ATP10A: variants seen among roughly 807,000 people sequenced by gnomAD.
The protein encoded by ATP10A is ATPase phospholipid transporting 10A (putative).
In ATP10A, 111 loss-of-function variants were observed where a neutral mutation model predicts 147.8. The observed-to-expected ratio is 0.75, with a 90% CI of 0.64 to 0.88. The LOEUF is 0.88. Among genes scored for constraint, ATP10A ranks in the 40% least tolerant of loss-of-function variants. The probability of loss-of-function intolerance (pLI) is 0.00; values close to 1 mark genes in which losing one functional copy is unlikely to be tolerated. For missense variants in ATP10A, 1,927 were observed against 1,959.0 expected (o/e 0.98, Z 0.31); for synonymous variants, 875 against 841.6 (o/e 1.04, Z -0.69).
intron 10 of ATP10A, chr15:25,710,943 C>T (rs976092332): frequency 1.3e-5 from 2 of 152,322 alleles, no homozygotes; most frequent in Admixed American, 6.5e-5. Context: ...TAACAGCAGG[C>T]ACTGAGCTAG....
intron 12 of ATP10A, among the ~76,000 whole-genome samples, chr15:25,706,339 G>A (rs1453642752): frequency 6.6e-6 from 1 of 152,186 alleles, no homozygotes; most frequent in Non-Finnish European, 1.5e-5. Flanking sequence ...CCAACCAGGA[G>A]ACTCACCACA....
intron 6 of ATP10A, 68 bp from the exon 7 acceptor site, chr15:25,721,977 T>A: frequency 6.7e-7 from 1 of 1,496,422 alleles, no homozygotes; most frequent in Non-Finnish European, 9.1e-7. Flanking sequence ...TACTCAAATC[T>A]ATTTAAATAA....
chr15:25,773,823 C>T (rs1157851187), intron 2 of ATP10A, among the ~76,000 whole-genome samples: 2 of 21,090 alleles, frequency 9.5e-5, no homozygotes, highest in African/African-American at 3.2e-4. Flanking sequence ...AACATCCACA[C>T]ACACACACAC....
intron 1 of ATP10A, among the ~76,000 whole-genome samples, chr15:25,853,133 G>A (rs1342831431): frequency 6.6e-6 from 1 of 152,236 alleles, no homozygotes; most frequent in East Asian, 1.9e-4. Context: ...CACAAGGTAT[G>A]TGCAGGGTAA....
chr15:25,689,426 G>A (rs1899887907), intron 15 of ATP10A, among the ~76,000 whole-genome samples: 3 of 152,198 alleles, frequency 2.0e-5, no homozygotes, highest in East Asian at 1.9e-4. Flanking sequence ...GCCTGGGGCA[G>A]TCTCCCCACC....
chr15:25,702,203 G>T, intron 12 of ATP10A, 103 bp from the exon 13 acceptor site: 1 of 1,223,772 alleles, frequency 8.2e-7, no homozygotes, highest in Non-Finnish European at 1.1e-6. Context: ...GGCAGGCACT[G>T]GTACAGCCCC....
chr15:25,810,568 G>A (rs1891384769), intron 1 of ATP10A, among the ~76,000 whole-genome samples: 1 of 152,176 alleles, frequency 6.6e-6, no homozygotes, highest in Admixed American at 6.5e-5. Context: ...GCCGGTCAAA[G>A]AAAGCAGTAG....
chr15:25,701,754 T>G (rs1197795345), intron 13 of ATP10A, among the ~76,000 whole-genome samples, 162 bp downstream of exon 13: 2 of 152,116 alleles, frequency 1.3e-5, no homozygotes, highest in African/African-American at 4.8e-5. Context: ...TCCAGCAAAC[T>G]TTACCTCTTC....
At chr15:25,691,689 C>T (rs760220971) in intron 15 of ATP10A, 26 bp downstream of exon 15, 5 of 1,613,606 alleles carry the variant, frequency 3.1e-6, no homozygotes, top group Non-Finnish European at 4.2e-6. Context: ...CAATTGGTCA[C>T]ACAGAATAGC....
At chr15:25,741,733 A>T (rs1887590439) in intron 2 of ATP10A, among the ~76,000 whole-genome samples, 1 of 152,258 alleles carries the variant, frequency 6.6e-6, no homozygotes, top group Admixed American at 6.5e-5. Flanking sequence ...TTCACTGCCA[A>T]GACTGTATTG....
Position 25,679,515 on chromosome 15 carries a change from G to A in ATP10A, c.4326C>T (p.Ser1442=). ...LPTFSLLNWI[S]SWSLVSRLGS... is the part of the protein sequence containing the mutation. ...CCAGCCTGCTGACCAGCGACCAGGAGGAAATCCAGTTGAGTAAGCTGAAGG... is the reference window on the plus strand; with the variant it reads ...CCAGCCTGCTGACCAGCGACCAGGAAGAAATCCAGTTGAGTAAGCTGAAGG... The change falls in exon 21 of 21, where the codon TCC becomes TCT. Residue 1442 remains serine (S), a synonymous_variant. Transcript: ENST00000555815. 6.2e-7 allele frequency: 1 copy of A among 1,613,746 alleles called. No homozygotes were observed. The highest frequency in any genetic ancestry group is 8.5e-7 in the Non-Finnish European group (1 of 1,179,738).
intron 2 of ATP10A, among the ~76,000 whole-genome samples, chr15:25,779,119 C>T (rs1245846073): frequency 6.6e-6 from 1 of 152,184 alleles, no homozygotes; most frequent in Non-Finnish European, 1.5e-5. Context: ...TCAAGTGATC[C>T]ACCCGCCTCG....
intron 1 of ATP10A, among the ~76,000 whole-genome samples, chr15:25,843,247 G>A (rs999895386): frequency 3.1e-4 from 5 of 16,094 alleles, no homozygotes; most frequent in Admixed American, 8.3e-4. Context: ...CCACCGTCCC[G>A]GGGTGTGATC....
intron 1 of ATP10A, among the ~76,000 whole-genome samples, chr15:25,801,752 G>A (rs1331298112): frequency 6.6e-6 from 1 of 152,242 alleles, no homozygotes; most frequent in Non-Finnish European, 1.5e-5. Context: ...CTGCTGGGCA[G>A]GAATGGCATC....
At chr15:25,759,255 A>G (rs1041288338) in intron 2 of ATP10A, among the ~76,000 whole-genome samples, 1 of 152,194 alleles carries the variant, frequency 6.6e-6, no homozygotes, top group African/African-American at 2.4e-5. Context: ...ATATAACAAA[A>G]TGATAAAGGG....
At chr15:25,747,758 A>G (rs1184787843) in intron 2 of ATP10A, among the ~76,000 whole-genome samples, 1 of 152,212 alleles carries the variant, frequency 6.6e-6, no homozygotes, top group African/African-American at 2.4e-5. Context: ...CTTTCTGCAA[A>G]AAACACTTCA....
intron 1 of ATP10A, among the ~76,000 whole-genome samples, chr15:25,857,918 G>A (rs537919098): frequency 1.1e-4 from 17 of 152,200 alleles, no homozygotes; most frequent in Admixed American, 3.3e-4. Context: ...TGATATGATC[G>A]TTGGGAGGAT....
chr15:25,706,637 A>G (rs926593210), intron 12 of ATP10A, among the ~76,000 whole-genome samples: 2 of 152,158 alleles, frequency 1.3e-5, no homozygotes, highest in East Asian at 1.9e-4. Flanking sequence ...CATGTCCCCA[A>G]ATAGTCAAGG....
intron 3 of ATP10A, among the ~76,000 whole-genome samples, chr15:25,731,807 GA>G (rs1463157153): frequency 7.2e-5 from 11 of 152,196 alleles, no homozygotes; most frequent in African/African-American, 2.2e-4. Flanking sequence ...GCCAGCTGGA[GA>G]TATATTTCAC....
Sources: allele counts gnomAD v4.1 joint callset (sites outside exome capture counted in the v4.1 genomes callset), GRCh38; gene constraint gnomAD v4.1.1; transcripts MANE v1.5; gene names NCBI Gene and HGNC (gene_info 2026-07-23, HGNC 2026-07-21).